Variants in ALCAM observed in about 807,000 individuals in gnomAD.
ALCAM encodes the protein CD166 antigen.
ALCAM carries 30 observed loss-of-function variants against 70.9 expected under a neutral mutation model. The observed-to-expected ratio is 0.42, with a 90% CI of 0.32 to 0.57. ALCAM has a LOEUF of 0.57. ALCAM is among the 20% of genes least tolerant of loss of function. ALCAM has a pLI of 0.11. For synonymous variants in ALCAM, 249 were observed against 242.5 expected, an observed-to-expected ratio of 1.03 and a Z score of -0.25; for missense variants, 591 against 695.1, an observed-to-expected ratio of 0.85 and a Z score of 1.68.
intron 1 of ALCAM, among the ~76,000 whole-genome samples, chr3:105,368,465 T>C (rs1234881059): frequency 6.6e-6 from 1 of 152,090 alleles, no homozygotes; most frequent in Non-Finnish European, 1.5e-5. Flanking sequence ...AGGGGATTTT[T>C]TTTTCTTTGA....
chr3:105,501,513 A>G (rs1938921666), intron 1 of ALCAM, among the ~76,000 whole-genome samples: 1 of 152,190 alleles, frequency 6.6e-6, no homozygotes, highest in Non-Finnish European at 1.5e-5. Context: ...GATGCTCCAG[A>G]TGTTCCAAAT....
chr3:105,494,317 T>C (rs1398337249), intron 1 of ALCAM, among the ~76,000 whole-genome samples: 1 of 152,176 alleles, frequency 6.6e-6, no homozygotes, highest in African/African-American at 2.4e-5. Context: ...TAATCAGAGG[T>C]ATTTCCTGGT....
At chr3:105,436,110 G>C (rs552413345) in intron 1 of ALCAM, among the ~76,000 whole-genome samples, 10 of 152,100 alleles carry the variant, frequency 6.6e-5, no homozygotes, top group Non-Finnish European at 1.3e-4. Context: ...ACCAGCACAG[G>C]AAAGACCTGC....
At chr3:105,399,291 A>G (rs893507285) in intron 1 of ALCAM, among the ~76,000 whole-genome samples, 3 of 152,206 alleles carry the variant, frequency 2.0e-5, no homozygotes, top group Non-Finnish European at 4.4e-5. Flanking sequence ...TTTAGTTTCA[A>G]GGAAATTGCA....
chr3:105,552,497 G>A lies in ALCAM; in HGVS notation c.1576G>A (p.Ala526Thr). 1 of 1,611,734 alleles carries A rather than the reference G, an allele frequency of 6.2e-7. No individual in the cohort carries two copies. Among genetic ancestry groups the A allele is most frequent in the Non-Finnish European group, 8.5e-7 (1 of 1,178,370 alleles). Residue 526 changes from alanine to threonine, a missense_variant, in exon 14 of 16, where the codon GCA becomes ACA. Transcript: ENST00000306107. ...DENREKVNDQ[A>T]KLIVGIVVGL... ...AAACAGAGAAAAGGTGAATGACCAG[G>A]CAAAACTAATTGTGGGAATCGTTGT...
At chr3:105,452,831 G>T (rs1257840835) in intron 1 of ALCAM, among the ~76,000 whole-genome samples, 2 of 152,200 alleles carry the variant, frequency 1.3e-5, no homozygotes, top group Non-Finnish European at 2.9e-5. Flanking sequence ...AAGTGATGAT[G>T]AGCTTTTTTT....
chr3:105,524,224 T>C (rs1294878916), intron 2 of ALCAM, 65 bp from the exon 3 acceptor site: 4 of 1,339,896 alleles, frequency 3.0e-6, no homozygotes, highest in Non-Finnish European at 4.1e-6. Context: ...AAATGTTATT[T>C]TGAATGTAAT....
At chr3:105,534,071 C>T (rs192150503) in intron 5 of ALCAM, among the ~76,000 whole-genome samples, 30 of 152,188 alleles carry the variant, frequency 2.0e-4, no homozygotes, top group East Asian at 1.4e-3. Flanking sequence ...ACCTAGATCC[C>T]TCATATGTGC....
chr3:105,533,022 CT>C (rs1939877991), intron 4 of ALCAM, among the ~76,000 whole-genome samples: 1 of 152,044 alleles, frequency 6.6e-6, no homozygotes, highest in South Asian at 2.1e-4. Flanking sequence ...CAAAGTTTTC[CT>C]TTGTTGGGAG....
At chr3:105,556,125 G>A (rs1406642563) in intron 14 of ALCAM, among the ~76,000 whole-genome samples, 1 of 151,938 alleles carries the variant, frequency 6.6e-6, no homozygotes, top group African/African-American at 2.4e-5. Context: ...AGTTCTACAG[G>A]AAGTTAAATG....
chr3:105,512,163 G>A (rs922925361), intron 1 of ALCAM, among the ~76,000 whole-genome samples: 1 of 151,908 alleles, frequency 6.6e-6, no homozygotes, highest in African/African-American at 2.4e-5. Flanking sequence ...ATCAAAGATA[G>A]CTTTGATTTT....
chr3:105,524,818 T>C, intron 3 of ALCAM: 5 of 1,102,290 alleles, frequency 4.5e-6, no homozygotes, highest in Non-Finnish European at 5.5e-6. Context: ...TACTGACATG[T>C]ACAAATAAGT....
At chr3:105,435,366 C>T (rs548689788) in intron 1 of ALCAM, among the ~76,000 whole-genome samples, 1 of 152,302 alleles carries the variant, frequency 6.6e-6, no homozygotes, top group Admixed American at 6.5e-5. Context: ...AATCCGAGTA[C>T]TTTCCTGAGT....
At chr3:105,536,220 A>C (rs900845946) in intron 6 of ALCAM, among the ~76,000 whole-genome samples, 2 of 151,738 alleles carry the variant, frequency 1.3e-5, no homozygotes, top group Admixed American at 6.6e-5. Flanking sequence ...CAGCCTCCCA[A>C]GTAGCTGGGA....
At chr3:105,564,390 TA>T (rs1940699893) in intron 14 of ALCAM, among the ~76,000 whole-genome samples, 1 of 152,186 alleles carries the variant, frequency 6.6e-6, no homozygotes, top group African/African-American at 2.4e-5. Flanking sequence ...TTATCTGTTT[TA>T]AAAATTAAAA....
intron 1 of ALCAM, among the ~76,000 whole-genome samples, chr3:105,498,853 T>C (rs1429791817): frequency 6.6e-6 from 1 of 152,234 alleles, no homozygotes; most frequent in Non-Finnish European, 1.5e-5. Context: ...GAATGCAATA[T>C]GAGATATTGT....
At chr3:105,489,168 G>C (rs999018267) in intron 1 of ALCAM, among the ~76,000 whole-genome samples, 1 of 152,168 alleles carries the variant, frequency 6.6e-6, no homozygotes, top group Non-Finnish European at 1.5e-5. Flanking sequence ...AGAGTTTTCT[G>C]TTGGAGAGTG....
chr3:105,529,009 G>GCACA lies in ALCAM; in HGVS notation c.395-2981_395-2978dup, dbSNP rs550593828. Among the ~76,000 whole-genome samples the GCACA allele has an allele frequency of 2.0e-4, 31 of 151,386 alleles. No homozygotes were observed. In the South Asian group the frequency reaches 6.3e-3, roughly 31 times the overall value. On this transcript the variant is annotated intron_variant, in intron 3 of 15. Transcript: ENST00000306107. Reference sequence around the variant, plus strand: ...CTCCAACACACACATGCGTGCACACGCACACACACACACACCTTGTAAAAT... The same window carrying GCACA: ...CTCCAACACACACATGCGTGCACACGCACACACACACACACACACCTTGTAAAAT...
intron 1 of ALCAM, among the ~76,000 whole-genome samples, chr3:105,471,105 A>G (rs993280002): frequency 6.6e-6 from 1 of 151,426 alleles, no homozygotes; most frequent in Non-Finnish European, 1.5e-5. Flanking sequence ...TAGGAAAGCC[A>G]TTTATTCTTA....
Sources: allele counts gnomAD v4.1 joint callset (sites outside exome capture counted in the v4.1 genomes callset), GRCh38; gene constraint gnomAD v4.1.1; transcripts MANE v1.5; gene names NCBI Gene and HGNC (gene_info 2026-07-23, HGNC 2026-07-21).